The following EXD3 variants were observed in gnomAD, a reference collection of about 807,000 sequenced individuals.
EXD3 encodes the protein exonuclease mut-7 homolog.
EXD3 carries 92 observed loss-of-function variants against 98.0 expected under a neutral mutation model. That is an observed-to-expected ratio of 0.94 (90% CI 0.79 to 1.12). EXD3 has a LOEUF of 1.12. Ranked by LOEUF, EXD3 falls within the 50% of genes most tolerant of loss-of-function variation. EXD3 has a pLI of 0.00. For synonymous variants in EXD3, 569 were observed against 526.0 expected (o/e 1.08, Z -1.12); for missense variants, 1,222 against 1,191.6 (o/e 1.03, Z -0.38).
rs149420813 is a variant in EXD3, at chr9:137,324,724, G to A, written c.1999-581C>T. ...TTTTTTGTTTTTTAGACGGAGTCTCGCTCTTTCGCCCAGGCCGGAGTGCAG... is the reference window on the plus strand; with the variant it reads ...TTTTTTGTTTTTTAGACGGAGTCTCACTCTTTCGCCCAGGCCGGAGTGCAG... On this transcript the variant is annotated intron_variant, in intron 17 of 21. Coordinates refer to ENST00000340951, the MANE Select transcript of EXD3 (RefSeq NM_017820.5). The surrounding 1 kb of genome is among the most constrained non-coding windows in gnomAD (Gnocchi z 4.1). Among the ~76,000 whole-genome samples, 13 of 152,278 alleles carry A rather than the reference G, an allele frequency of 8.5e-5. No homozygotes were observed. The highest frequency in any genetic ancestry group is 4.6e-4 in the Admixed American group (7 of 15,306).
chr9:137,390,226 C>A (rs866067975), intron 2 of EXD3, among the ~76,000 whole-genome samples: 7 of 148,186 alleles, frequency 4.7e-5, no homozygotes, highest in Middle Eastern at 3.7e-3. Context: ...GTCAGGAGAT[C>A]GAGACCATCC....
chr9:137,360,416 CT>C (rs139927996), intron 7 of EXD3, among the ~76,000 whole-genome samples: 4,512 of 82,062 alleles, frequency 0.055, 1,411 homozygotes, highest in African/African-American at 0.14. Flanking sequence ...ATTTGTCAAT[CT>C]TCTTCTGTTA....
rs1564214217 is a variant in EXD3 at position 137,405,560 on chromosome 9, C to A, written c.-47-10156G>T. Among the ~76,000 whole-genome samples, 4 of 152,258 alleles carry A rather than the reference C, an allele frequency of 2.6e-5. No individual in the cohort carries two copies. The highest frequency in any genetic ancestry group is 7.2e-5 in the African/African-American group (3 of 41,480). ...ACAATAAACTTTACGTCTCATGGTT[C>A]AAGAAATGCCAGGCTCTGGGCTGAG... On this transcript the variant is annotated intron_variant, in intron 1 of 21. Transcript: ENST00000340951. This position sits in a 1 kb window ranked among gnomAD's most constrained non-coding sequence, Gnocchi z 4.1.
At chr9:137,344,505 C>T (rs1016087183) in intron 17 of EXD3, among the ~76,000 whole-genome samples, 8 of 152,176 alleles carry the variant, frequency 5.3e-5, no homozygotes, top group African/African-American at 9.7e-5. Context: ...TCTGCGGAGG[C>T]GGCCAAGGGC....
chr9:137,350,988 C>G, intron 14 of EXD3, 50 bp downstream of exon 14: 1 of 1,507,486 alleles, frequency 6.6e-7, no homozygotes, highest in South Asian at 1.2e-5. Flanking sequence ...AAGCAGCCCT[C>G]GAACCCCAGG....
chr9:137,373,094 C>T (rs1483338406), intron 4 of EXD3, 22 bp from the exon 5 acceptor site: 3 of 1,538,934 alleles, frequency 1.9e-6, no homozygotes, highest in African/African-American at 2.7e-5. Context: ...GGGACCCAGA[C>T]TTACTGGACG....
Position 137,407,775 on chromosome 9 carries a change from G to A in EXD3, c.-47-12371C>T, listed in dbSNP as rs1286654748. On this transcript the variant is annotated intron_variant, in intron 1 of 21. Coordinates refer to ENST00000340951, the MANE Select transcript of EXD3 (RefSeq NM_017820.5). This position sits in a 1 kb window ranked among gnomAD's most constrained non-coding sequence, Gnocchi z 4.4. ...GTGCTTCCGTCACTGGAGCCCACGG[G>A]TCCACAGGCATTCGAGGTCTTGGAT... Among the ~76,000 whole-genome samples the A allele has an allele frequency of 6.6e-6, 1 of 152,204 alleles. No homozygotes were observed. Among genetic ancestry groups the A allele is most frequent in the Non-Finnish European group, 1.5e-5 (1 of 68,032 alleles).
chr9:137,327,414 T>A (rs1281994387), intron 17 of EXD3, among the ~76,000 whole-genome samples: 1 of 152,082 alleles, frequency 6.6e-6, no homozygotes, highest in Non-Finnish European at 1.5e-5. Flanking sequence ...ATTACAGGTG[T>A]GAGCCACCGC....
intron 5 of EXD3, among the ~76,000 whole-genome samples, chr9:137,370,021 G>C (rs887868591): frequency 6.6e-6 from 1 of 152,130 alleles, no homozygotes; most frequent in South Asian, 2.1e-4. Context: ...CTGTGGCCTC[G>C]CAGCTTGGGG....
At chr9:137,353,333 C>T in intron 10 of EXD3, 1 of 985,436 alleles carries the variant, frequency 1.0e-6, no homozygotes, top group Non-Finnish European at 1.2e-6. Flanking sequence ...GCATCTGCCC[C>T]CACCCCGGGT....
intron 3 of EXD3, among the ~76,000 whole-genome samples, chr9:137,374,122 GC>G (rs1835779492): frequency 6.6e-6 from 1 of 152,264 alleles, no homozygotes; most frequent in Non-Finnish European, 1.5e-5. Context: ...CAGCAAGTTG[GC>G]CCTCGCTGCT....
intron 17 of EXD3, among the ~76,000 whole-genome samples, chr9:137,338,532 G>T (rs976419416): frequency 1.3e-5 from 2 of 152,008 alleles, no homozygotes; most frequent in Non-Finnish European, 2.9e-5. Context: ...AGAAATTGAT[G>T]AGATAGACAA....
chr9:137,364,396 T>C (rs1441836038), intron 7 of EXD3, among the ~76,000 whole-genome samples: 2 of 151,816 alleles, frequency 1.3e-5, no homozygotes, highest in African/African-American at 4.8e-5. Context: ...CTGAGGTGGG[T>C]GGATCACCTG....
intron 5 of EXD3, among the ~76,000 whole-genome samples, chr9:137,368,675 G>C (rs972471643): frequency 2.0e-5 from 3 of 152,268 alleles, no homozygotes; most frequent in Non-Finnish European, 2.9e-5. Flanking sequence ...GCAGCCCAGA[G>C]AAAGGACCAA....
At chr9:137,363,938 T>G (rs1835105587) in intron 7 of EXD3, among the ~76,000 whole-genome samples, 1 of 152,188 alleles carries the variant, frequency 6.6e-6, no homozygotes, top group Admixed American at 6.5e-5. Flanking sequence ...TCATTCCTGA[T>G]GTTCATCACT....
chr9:137,307,683 C>G (rs370028352), intron 20 of EXD3, 37 bp from the exon 21 acceptor site: 27 of 1,604,828 alleles, frequency 1.7e-5, no homozygotes, highest in Non-Finnish European at 2.1e-5. Context: ...CGGGACTGTC[C>G]TAGGGATGGG....
intron 8 of EXD3, among the ~76,000 whole-genome samples, chr9:137,355,642 A>AGGAGGAC (rs1834696660): frequency 9.1e-6 from 1 of 110,442 alleles, no homozygotes; most frequent in Admixed American, 9.9e-5. Flanking sequence ...GGAAGGAGGA[A>AGGAGGAC]GGAGGAAGGA....
intron 7 of EXD3, chr9:137,366,051 C>T (rs1295268357): frequency 3.0e-6 from 2 of 667,326 alleles, no homozygotes; most frequent in Non-Finnish European, 5.5e-6. Flanking sequence ...CACACACATG[C>T]ACATGGCTTC....
At chr9:137,359,230 A>C (rs1376953248) in intron 7 of EXD3, among the ~76,000 whole-genome samples, 1 of 82,976 alleles carries the variant, frequency 1.2e-5, no homozygotes, top group African/African-American at 3.3e-5. Context: ...CGGCCTCCCA[A>C]AGTGCTGGGA....
Sources: allele counts gnomAD v4.1 joint callset (sites outside exome capture counted in the v4.1 genomes callset), GRCh38; gene constraint gnomAD v4.1.1; non-coding constraint Gnocchi (gnomAD v3.1); transcripts MANE v1.5; gene names NCBI Gene and HGNC (gene_info 2026-07-23, HGNC 2026-07-21).